MKLN1: variants seen among roughly 807,000 people sequenced by gnomAD.
The protein encoded by MKLN1 is muskelin.
In MKLN1, 18 loss-of-function variants were observed where a neutral mutation model predicts 99.0. The ratio of observed to expected loss-of-function variants is 0.18; its 90% CI spans 0.13 to 0.27. The LOEUF is 0.27. MKLN1 is among the 10% of genes least tolerant of loss of function. The pLI is 1.00. For missense variants in MKLN1, 621 were observed against 875.9 expected (o/e 0.71, Z 3.67); for synonymous variants, 288 against 293.2 (o/e 0.98, Z 0.18).
At chr7:131,350,711 T>G (rs752384778) in intron 1 of MKLN1, among the ~76,000 whole-genome samples, 4 of 152,194 alleles carry the variant, frequency 2.6e-5, no homozygotes, top group Non-Finnish European at 5.9e-5. Context: ...AAGTCACAGT[T>G]TTATGTAGCC....
In MKLN1 at chr7:131,470,906, A is replaced by G. The variant is rs1202551479; in HGVS notation, c.1993A>G (p.Ile665Val). 2.6e-5 allele frequency: 42 copies of G among 1,612,760 alleles called. No individual in the cohort carries two copies. Among genetic ancestry groups the G allele is most frequent in the Non-Finnish European group, 3.4e-5 (40 of 1,179,130 alleles). The part of the protein sequence containing the change: ...ALKYLQNDLY[I>V]TVDHSDPEET... ...GAAATATTTACAAAATGATCTTTAT[A>G]TAACTGTGGATCATTCAGACCCAGA... is the stretch of plus-strand genomic sequence containing the variant. Residue 665 changes from isoleucine (I) to valine (V), a missense_variant, in exon 16 of 18, where the codon ATA becomes GTA. Ile to Val is a conservative substitution (Grantham distance 29). Transcript: ENST00000352689.
At chr7:131,405,480 T>C (rs983926164) in intron 6 of MKLN1, among the ~76,000 whole-genome samples, 4 of 152,164 alleles carry the variant, frequency 2.6e-5, no homozygotes, top group African/African-American at 9.6e-5. Flanking sequence ...TACTGTTGTC[T>C]TCCTTCTCTT....
intron 3 of MKLN1, among the ~76,000 whole-genome samples, chr7:131,221,062 A>G (rs1165504301): frequency 6.6e-6 from 1 of 152,174 alleles, no homozygotes; most frequent in East Asian, 1.9e-4. Context: ...TCTGCCTCAT[A>G]TCAGTGATTT....
At chr7:131,429,582 A>G (rs909073685) in intron 9 of MKLN1, among the ~76,000 whole-genome samples, 2 of 151,882 alleles carry the variant, frequency 1.3e-5, no homozygotes, top group Non-Finnish European at 2.9e-5. Context: ...TTCATAAATG[A>G]TATATATTAT....
chr7:131,345,536 G>A (rs1021178487), intron 1 of MKLN1, among the ~76,000 whole-genome samples: 8 of 152,132 alleles, frequency 5.3e-5, no homozygotes, highest in Non-Finnish European at 8.8e-5. Context: ...GGGTAACATA[G>A]CGAGACCTCT....
chr7:131,477,493 C>G (rs749315418), intron 16 of MKLN1, among the ~76,000 whole-genome samples: 1 of 151,820 alleles, frequency 6.6e-6, no homozygotes, highest in African/African-American at 2.4e-5. Context: ...GGTGACAGAG[C>G]GAGACCCTGC....
intron 16 of MKLN1, among the ~76,000 whole-genome samples, chr7:131,472,938 AT>A (rs1796863680): frequency 8.8e-6 from 1 of 114,232 alleles, no homozygotes; most frequent in Admixed American, 9.6e-5. Context: ...ACAGAGCAAG[AT>A]TCCATCTCAA....
At chr7:131,204,933 CAAA>C (rs61100568) in intron 3 of MKLN1, among the ~76,000 whole-genome samples, 2 of 130,234 alleles carry the variant, frequency 1.5e-5, no homozygotes, top group Non-Finnish European at 1.6e-5. Context: ...GACTCCGTAT[CAAA>C]AAAAAAAAAA....
At chr7:131,478,851 T>C in intron 17 of MKLN1, 174 bp downstream of exon 17, 1 of 752,860 alleles carries the variant, frequency 1.3e-6, no homozygotes, top group Non-Finnish European at 2.3e-6. Context: ...TGCTTTGAGG[T>C]ATCATTTTGC....
intron 1 of MKLN1, among the ~76,000 whole-genome samples, chr7:131,140,341 T>C (rs1460073802): frequency 6.6e-6 from 1 of 152,216 alleles, no homozygotes; most frequent in African/African-American, 2.4e-5. Context: ...GTCCTTTCTC[T>C]GCTCATGTCA....
chr7:131,221,160 G>A (rs1043123819), intron 3 of MKLN1, among the ~76,000 whole-genome samples: 1 of 152,184 alleles, frequency 6.6e-6, no homozygotes, highest in East Asian at 1.9e-4. Context: ...CACAGTATGC[G>A]TGATGGACAG....
intron 16 of MKLN1, chr7:131,478,327 T>C (rs1797021482): frequency 3.5e-6 from 1 of 285,442 alleles, no homozygotes; most frequent in Admixed American, 5.1e-5. Context: ...TTCTTTTTTA[T>C]TTTGTTGTGC....
At chr7:131,469,188 G>A (rs558790715) in intron 15 of MKLN1, among the ~76,000 whole-genome samples, 3 of 152,162 alleles carry the variant, frequency 2.0e-5, no homozygotes, top group African/African-American at 7.2e-5. Flanking sequence ...ATAGATAGAG[G>A]CATAGAAAGA....
chr7:131,225,922 G>C (rs1187728013), intron 3 of MKLN1, among the ~76,000 whole-genome samples: 1 of 152,218 alleles, frequency 6.6e-6, no homozygotes, highest in Non-Finnish European at 1.5e-5. Flanking sequence ...GCAGTCAGCT[G>C]TTACTGGGTG....
chr7:131,347,683 T>C (rs543011243), intron 1 of MKLN1, among the ~76,000 whole-genome samples: 2 of 152,332 alleles, frequency 1.3e-5, no homozygotes, highest in East Asian at 3.9e-4. Flanking sequence ...CGTTTACTTT[T>C]ACCTTTTGAT....
At chr7:131,357,949 A>G (rs1799929788) in intron 1 of MKLN1, among the ~76,000 whole-genome samples, 1 of 152,078 alleles carries the variant, frequency 6.6e-6, no homozygotes, top group African/African-American at 2.4e-5. Context: ...GTAATCATTC[A>G]TTATTTCCAG....
chr7:131,248,334 G>A (rs944095449), intron 3 of MKLN1, among the ~76,000 whole-genome samples: 1 of 152,138 alleles, frequency 6.6e-6, no homozygotes, highest in Admixed American at 6.6e-5. Flanking sequence ...TGGCAAAAAT[G>A]TAACTCTCAG....
intron 12 of MKLN1, among the ~76,000 whole-genome samples, chr7:131,454,902 C>G (rs957148005): frequency 1.3e-5 from 2 of 152,162 alleles, no homozygotes; most frequent in African/African-American, 4.8e-5. Context: ...AAGAAAATTG[C>G]AGAAAGTTAA....
At chr7:131,270,708 G>A (rs905375322) in intron 3 of MKLN1, among the ~76,000 whole-genome samples, 1 of 152,126 alleles carries the variant, frequency 6.6e-6, no homozygotes, top group Admixed American at 6.6e-5. Flanking sequence ...CTAAATGCTG[G>A]AGTCAGAGCA....
Sources: allele counts gnomAD v4.1 joint callset (sites outside exome capture counted in the v4.1 genomes callset), GRCh38; gene constraint gnomAD v4.1.1; transcripts MANE v1.5; gene names NCBI Gene and HGNC (gene_info 2026-07-23, HGNC 2026-07-21).